The following SLCO5A1 variants were observed in gnomAD, a reference collection of about 807,000 sequenced individuals.
The protein encoded by SLCO5A1 is organic anion transporter polypeptide-related protein 4.
In SLCO5A1, 39 loss-of-function variants were observed where a neutral mutation model predicts 65.1. That is an observed-to-expected ratio of 0.60 (90% confidence interval 0.46 to 0.78). The LOEUF (loss-of-function observed/expected upper bound fraction) is 0.78, where lower values mean the gene tolerates loss of function less well. Among genes scored for constraint, SLCO5A1 ranks in the 30% least tolerant of loss-of-function variants. SLCO5A1 has a pLI of 0.00. For synonymous variants in SLCO5A1, 438 were observed against 415.7 expected, an observed-to-expected ratio of 1.05 and a Z score of -0.65; for missense variants, 1,029 against 1,069.4, an observed-to-expected ratio of 0.96 and a Z score of 0.53.
intron 2 of SLCO5A1, among the ~76,000 whole-genome samples, chr8:69,810,428 A>G (rs1820165689): frequency 6.6e-6 from 1 of 152,172 alleles, no homozygotes; most frequent in South Asian, 2.1e-4. Context: ...GACAGAAAGG[A>G]AGCTGGAGGA....
Position 69,712,855 on chromosome 8 carries a change from CT to C in SLCO5A1, c.1424-7627del, listed in dbSNP as rs370215982. 8.4e-3 allele frequency among the ~76,000 whole-genome samples: 1,002 copies of C among 119,000 alleles called. 4 individuals carry two copies. Among genetic ancestry groups the C allele is most frequent in the South Asian group, 0.021 (66 of 3,210 alleles). 78.1% of individuals were successfully genotyped at this position (119,000 alleles called of 152,430 possible). A position where few individuals can be genotyped will look rare whatever the true frequency, so the allele number is the denominator to read the frequency against. On this transcript the variant is annotated intron_variant, in intron 5 of 9. Coordinates refer to ENST00000260126, the MANE Select transcript of SLCO5A1 (RefSeq NM_030958.3). The stretch of plus-strand genomic sequence containing the variant: ...TAACTTTGAATTTATTATATAAAAT[CT>C]TTAAGTGATTTGCTCATTAATTTCC...
intron 5 of SLCO5A1, among the ~76,000 whole-genome samples, chr8:69,732,099 G>GA (rs755060663): frequency 1.2e-4 from 19 of 152,178 alleles, no homozygotes; most frequent in Admixed American, 2.0e-4. Flanking sequence ...ATCTAAAGAT[G>GA]AAGTGATTCC....
intron 5 of SLCO5A1, among the ~76,000 whole-genome samples, chr8:69,722,535 C>T (rs1474239757): frequency 6.6e-6 from 1 of 152,062 alleles, no homozygotes; most frequent in African/African-American, 2.4e-5. Flanking sequence ...ACATGAATGA[C>T]ACACCTTGTC....
intron 6 of SLCO5A1, among the ~76,000 whole-genome samples, chr8:69,696,415 G>A (rs1373219984): frequency 6.6e-6 from 1 of 152,202 alleles, no homozygotes. Context: ...AGATGTGACA[G>A]AAGGCAAAAG....
intron 5 of SLCO5A1, among the ~76,000 whole-genome samples, chr8:69,726,731 C>A (rs1265851618): frequency 6.6e-6 from 1 of 152,052 alleles, no homozygotes; most frequent in Non-Finnish European, 1.5e-5. Flanking sequence ...GAACTCCTGG[C>A]CACAAGTGAT....
At chr8:69,715,936 G>A (rs926231902) in intron 5 of SLCO5A1, among the ~76,000 whole-genome samples, 4 of 151,672 alleles carry the variant, frequency 2.6e-5, no homozygotes, top group Non-Finnish European at 4.4e-5. Flanking sequence ...CATTTTCATC[G>A]CCCTAAAAAG....
chr8:69,733,562 T>C (rs755080321), intron 5 of SLCO5A1, among the ~76,000 whole-genome samples: 7 of 152,160 alleles, frequency 4.6e-5, no homozygotes, highest in Non-Finnish European at 8.8e-5. Flanking sequence ...AAATCTCATC[T>C]CAAATTGTAA....
At chr8:69,730,426 G>A (rs1816280727) in intron 5 of SLCO5A1, among the ~76,000 whole-genome samples, 1 of 152,164 alleles carries the variant, frequency 6.6e-6, no homozygotes, top group Admixed American at 6.5e-5. Flanking sequence ...TAAGATTTTA[G>A]GGAAGGAAGA....
At chr8:69,794,302 T>A in intron 2 of SLCO5A1, 1 of 465,566 alleles carries the variant, frequency 2.1e-6, no homozygotes, top group Non-Finnish European at 4.3e-6. Context: ...GAGGTTAATG[T>A]AGCAAAAGTA....
chr8:69,816,645 G>A (rs1274479241), intron 2 of SLCO5A1, among the ~76,000 whole-genome samples: 1 of 152,100 alleles, frequency 6.6e-6, no homozygotes, highest in Non-Finnish European at 1.5e-5. Context: ...CAAATCCACA[G>A]GTATGTTTCT....
At chr8:69,741,826 T>C (rs943859747) in intron 4 of SLCO5A1, among the ~76,000 whole-genome samples, 10 of 152,240 alleles carry the variant, frequency 6.6e-5, no homozygotes. Context: ...CTTGTACCTT[T>C]TTTAAAAGAC....
At chr8:69,778,228 G>GGT (rs71556783) in intron 2 of SLCO5A1, among the ~76,000 whole-genome samples, 3,636 of 142,956 alleles carry the variant, frequency 0.025, 49 homozygotes, top group East Asian at 0.045. Context: ...ATATGTATGG[G>GGT]GTGTGTGTGT....
chr8:69,833,325 G>A (rs1821264395), intron 1 of SLCO5A1, 156 bp from the exon 2 acceptor site: 1 of 152,338 alleles, frequency 6.6e-6, no homozygotes, highest in African/African-American at 2.4e-5. Flanking sequence ...GGCAGCAGCC[G>A]GCTGCAGTCT....
At chr8:69,769,918 G>C (rs938316088) in intron 2 of SLCO5A1, among the ~76,000 whole-genome samples, 1 of 152,092 alleles carries the variant, frequency 6.6e-6, no homozygotes, top group African/African-American at 2.4e-5. Flanking sequence ...GAACTCTCAA[G>C]AGCACAAAAA....
chr8:69,781,290 C>A (rs1321068598), intron 2 of SLCO5A1, among the ~76,000 whole-genome samples: 1 of 152,236 alleles, frequency 6.6e-6, no homozygotes, highest in African/African-American at 2.4e-5. Context: ...AAAGTCCCTG[C>A]AGTCATTGGC....
At chr8:69,769,941 A>G (rs1033548743) in intron 2 of SLCO5A1, among the ~76,000 whole-genome samples, 4 of 152,238 alleles carry the variant, frequency 2.6e-5, no homozygotes, top group Admixed American at 2.6e-4. Flanking sequence ...AATTTTTAAA[A>G]AATCACCACA....
At chr8:69,745,810 G>A (rs1187938849) in intron 4 of SLCO5A1, among the ~76,000 whole-genome samples, 1 of 152,040 alleles carries the variant, frequency 6.6e-6, no homozygotes, top group Non-Finnish European at 1.5e-5. Context: ...ACGATGTTGT[G>A]CAACCACCAC....
intron 6 of SLCO5A1, among the ~76,000 whole-genome samples, chr8:69,683,934 T>C (rs779126265): frequency 2.6e-5 from 4 of 152,234 alleles, no homozygotes; most frequent in Non-Finnish European, 5.9e-5. Flanking sequence ...TGCGTGTTAA[T>C]TGGTGTTTGT....
At chr8:69,786,428 A>G (rs948033748) in intron 2 of SLCO5A1, among the ~76,000 whole-genome samples, 1 of 152,242 alleles carries the variant, frequency 6.6e-6, no homozygotes, top group Admixed American at 6.5e-5. Flanking sequence ...AACTAATACT[A>G]GGAGCATTTT....
Sources: allele counts gnomAD v4.1 joint callset (sites outside exome capture counted in the v4.1 genomes callset), GRCh38; gene constraint gnomAD v4.1.1; transcripts MANE v1.5; gene names NCBI Gene and HGNC (gene_info 2026-07-23, HGNC 2026-07-21).